NR2F1-AS1: variants seen among roughly 807,000 people sequenced by gnomAD.
NR2F1-AS1 encodes the protein NR2F1 regulatory antisense RNA 1.
chr5:93,574,416 A>T (rs1752847186), intron 1 of NR2F1-AS1, among the ~76,000 whole-genome samples: 1 of 152,128 alleles, frequency 6.6e-6, no homozygotes, highest in Non-Finnish European at 1.5e-5. Flanking sequence ...CCACAGAGAA[A>T]GCGACTGGGT....
intron 2 of NR2F1-AS1, among the ~76,000 whole-genome samples, chr5:93,561,494 C>A (rs915542970): frequency 2.6e-5 from 4 of 151,706 alleles, no homozygotes; most frequent in South Asian, 4.2e-4. Context: ...GAAAACAGGC[C>A]AGGCGCAGTG....
chr5:93,466,098 G>C (rs979247492), intron 4 of NR2F1-AS1, among the ~76,000 whole-genome samples: 17 of 151,936 alleles, frequency 1.1e-4, no homozygotes, highest in Non-Finnish European at 7.4e-5. Flanking sequence ...ATTGTTACTA[G>C]CTAGAGGAAG....
intron 4 of NR2F1-AS1, among the ~76,000 whole-genome samples, chr5:93,476,014 T>C (rs986456182): frequency 6.6e-6 from 1 of 152,214 alleles, no homozygotes; most frequent in Non-Finnish European, 1.5e-5. Flanking sequence ...TATTTTTATG[T>C]TGTGCCAAAA....
intron 4 of NR2F1-AS1, among the ~76,000 whole-genome samples, chr5:93,464,556 AATATGAT>A (rs1182243061): frequency 2.0e-5 from 3 of 152,364 alleles, no homozygotes; most frequent in Non-Finnish European, 2.9e-5. Flanking sequence ...CACATGATTA[AATATGAT>A]TAAGAACCAT....
At chr5:93,561,828 A>C (rs1401418521) in intron 2 of NR2F1-AS1, among the ~76,000 whole-genome samples, 8 of 152,144 alleles carry the variant, frequency 5.3e-5, no homozygotes, top group African/African-American at 1.9e-4. Flanking sequence ...TTATGAAAAC[A>C]TGTTTTGCCT....
At chr5:93,484,778 C>CA (rs61083284) in intron 4 of NR2F1-AS1, among the ~76,000 whole-genome samples, 8,242 of 84,210 alleles carry the variant, frequency 0.098, 355 homozygotes, top group East Asian at 0.31. Context: ...AAATGGAAAG[C>CA]AAAAAAAAAA....
At chr5:93,492,354 T>C (rs1436592031) in intron 4 of NR2F1-AS1, among the ~76,000 whole-genome samples, 2 of 152,190 alleles carry the variant, frequency 1.3e-5, no homozygotes, top group Non-Finnish European at 2.9e-5. Flanking sequence ...TCACTGTTTG[T>C]TTTTTGAGCT....
chr5:93,576,555 A>G (rs547698804), intron 1 of NR2F1-AS1, among the ~76,000 whole-genome samples: 135 of 152,304 alleles, frequency 8.9e-4, no homozygotes, highest in African/African-American at 3.1e-3. Flanking sequence ...ATTTAGATCA[A>G]CGTTCTGATA....
intron 4 of NR2F1-AS1, among the ~76,000 whole-genome samples, chr5:93,437,191 ATAG>A (rs1749450732): frequency 6.6e-6 from 1 of 152,114 alleles, no homozygotes; most frequent in Non-Finnish European, 1.5e-5. Flanking sequence ...ACTGTCCAAA[ATAG>A]TAGTCAATAG....
chr5:93,490,872 G>A (rs943693828), intron 4 of NR2F1-AS1, among the ~76,000 whole-genome samples: 1 of 148,438 alleles, frequency 6.7e-6, no homozygotes, highest in African/African-American at 2.5e-5. Flanking sequence ...CTTGGTAATG[G>A]TGGTGTTGAT....
chr5:93,581,677 T>C (rs1365344008), upstream of NR2F1-AS1, among the ~76,000 whole-genome samples: 33 of 32,134 alleles, frequency 1.0e-3, no homozygotes, highest in East Asian at 4.9e-3. Context: ...GGTCTCTCTC[T>C]CTCTCTCTCT....
intron 4 of NR2F1-AS1, among the ~76,000 whole-genome samples, chr5:93,492,970 G>C (rs1031010241): frequency 6.6e-6 from 1 of 152,052 alleles, no homozygotes; most frequent in Admixed American, 6.6e-5. Context: ...TTTCCCCTAA[G>C]ATCAGGAAGA....
upstream of NR2F1-AS1, among the ~76,000 whole-genome samples, chr5:93,581,668 GTCTCTCTCTCTCTC>G (rs1232503527): frequency 1.6e-4 from 5 of 32,120 alleles, no homozygotes; most frequent in Non-Finnish European, 2.7e-4. Flanking sequence ...CGGGGTCTCG[GTCTCTCTCTCTCTC>G]TCTCTCTCTC....
chr5:93,582,284 A>AAAAG (rs1554074298), upstream of NR2F1-AS1, among the ~76,000 whole-genome samples: 5 of 151,640 alleles, frequency 3.3e-5, no homozygotes, highest in African/African-American at 9.7e-5. Flanking sequence ...AAAAAAAAAA[A>AAAAG]AAGAAGAAGG....
chr5:93,455,237 C>A (rs1749921270), intron 4 of NR2F1-AS1, among the ~76,000 whole-genome samples: 1 of 152,132 alleles, frequency 6.6e-6, no homozygotes, highest in African/African-American at 2.4e-5. Flanking sequence ...AAAGTTTTAT[C>A]TTTTTCTTTT....
intron 4 of NR2F1-AS1, among the ~76,000 whole-genome samples, chr5:93,527,848 A>C (rs1751652930): frequency 1.3e-5 from 2 of 152,334 alleles, no homozygotes; most frequent in South Asian, 4.1e-4. Flanking sequence ...AAATTAACTC[A>C]ACATGGATTA....
chr5:93,414,888 T>C (rs1748936449), intron 4 of NR2F1-AS1, among the ~76,000 whole-genome samples: 1 of 152,062 alleles, frequency 6.6e-6, no homozygotes, highest in Non-Finnish European at 1.5e-5. Flanking sequence ...TGCTACTGTG[T>C]AAGGAAAAAT....
intron 4 of NR2F1-AS1, among the ~76,000 whole-genome samples, chr5:93,494,678 C>T (rs188140384): frequency 2.5e-4 from 38 of 152,178 alleles, no homozygotes; most frequent in Non-Finnish European, 4.6e-4. Flanking sequence ...CTGGTAGGCA[C>T]GTAAAATGGT....
At chr5:93,442,185 T>C (rs1749585344) in intron 4 of NR2F1-AS1, among the ~76,000 whole-genome samples, 2 of 152,110 alleles carry the variant, frequency 1.3e-5, no homozygotes. Context: ...TTCATCTCAC[T>C]GGGGCTTGTC....
Sources: allele counts gnomAD v4.1 joint callset (sites outside exome capture counted in the v4.1 genomes callset), GRCh38; gene constraint gnomAD v4.1.1; transcripts MANE v1.5; gene names NCBI Gene and HGNC (gene_info 2026-07-23, HGNC 2026-07-21).